STRN: variants seen among roughly 807,000 people sequenced by gnomAD.
STRN encodes the protein protein phosphatase 2 regulatory subunit B'''alpha.
STRN carries 53 observed loss-of-function variants against 96.3 expected under a neutral mutation model. That is an observed-to-expected ratio of 0.55 (90% CI 0.44 to 0.69). The LOEUF (loss-of-function observed/expected upper bound fraction) is 0.69. Ranked by LOEUF, STRN falls within the 30% of genes least tolerant of loss-of-function variation. STRN has a pLI of 0.00. For missense variants in STRN, 987 were observed against 963.9 expected (o/e 1.02, Z -0.32); for synonymous variants, 428 against 355.9 (o/e 1.20, Z -2.28).
At chr2:36,858,898 A>G (rs1668413076) in intron 13 of STRN, among the ~76,000 whole-genome samples, 3 of 152,340 alleles carry the variant, frequency 2.0e-5, no homozygotes, top group South Asian at 4.1e-4. Context: ...CAGTTAGCAG[A>G]GAGTAACTGG....
intron 9 of STRN, among the ~76,000 whole-genome samples, chr2:36,883,548 T>G (rs934743523): frequency 2.6e-5 from 4 of 152,234 alleles, no homozygotes; most frequent in African/African-American, 9.6e-5. Flanking sequence ...TTAGGTGACT[T>G]TATCCCCTTT....
At chr2:36,858,728 G>A (rs879308786) in intron 13 of STRN, among the ~76,000 whole-genome samples, 23 of 152,186 alleles carry the variant, frequency 1.5e-4, no homozygotes, top group Non-Finnish European at 1.0e-4. Flanking sequence ...TGTCAATGGT[G>A]TTATGTCTTA....
intron 5 of STRN, among the ~76,000 whole-genome samples, chr2:36,901,737 T>C (rs1257016304): frequency 6.6e-6 from 1 of 152,146 alleles, no homozygotes; most frequent in African/African-American, 2.4e-5. Context: ...GTTGGAAATG[T>C]ATTCTTAATT....
chr2:36,866,644 C>T (rs1195229362), intron 12 of STRN, among the ~76,000 whole-genome samples: 1 of 152,120 alleles, frequency 6.6e-6, no homozygotes, highest in East Asian at 1.9e-4. Context: ...AAGTCTCCCA[C>T]TATTATTGTA....
At chr2:36,893,759 G>T (rs1669464632) in intron 7 of STRN, 139 bp downstream of exon 7, 1 of 966,856 alleles carries the variant, frequency 1.0e-6, no homozygotes, top group Non-Finnish European at 1.5e-6. Flanking sequence ...CATTCACCCT[G>T]GATAAAGGGT....
chr2:36,890,284 T>C (rs1045585550), intron 7 of STRN, among the ~76,000 whole-genome samples: 8 of 152,266 alleles, frequency 5.3e-5, no homozygotes, highest in Non-Finnish European at 1.2e-4. Context: ...ACCCACTGTA[T>C]TCTTCAATGA....
intron 6 of STRN, among the ~76,000 whole-genome samples, chr2:36,898,335 T>G (rs1669596431): frequency 6.6e-6 from 1 of 152,220 alleles, no homozygotes; most frequent in Non-Finnish European, 1.5e-5. Context: ...TTTACTATGG[T>G]AAATTAAGAC....
At chr2:36,963,999 A>G (rs991022759) in intron 1 of STRN, among the ~76,000 whole-genome samples, 1 of 145,984 alleles carries the variant, frequency 6.9e-6, no homozygotes, top group Non-Finnish European at 1.5e-5. Context: ...CAATAAAAGG[A>G]AAAAAAAAAA....
At chr2:36,862,425 C>G (rs1163656628) in intron 12 of STRN, among the ~76,000 whole-genome samples, 3 of 152,122 alleles carry the variant, frequency 2.0e-5, no homozygotes, top group Non-Finnish European at 4.4e-5. Flanking sequence ...ATCTTTTGAC[C>G]TTTTAATAAC....
In STRN at chr2:36,867,867, TCAGAGA is replaced by T; in HGVS notation, c.1500-12_1500-7del. On this transcript the variant is annotated splice_region_variant and splice_polypyrimidine_tract_variant and intron_variant, in intron 11 of 17. Coordinates refer to ENST00000263918, the MANE Select transcript of STRN (RefSeq NM_003162.4). The stretch of plus-strand genomic sequence containing the variant: ...CTACATCAAGAGAAGTGCTCCTAAA[TCAGAGA>T]GAGATGACTTTACCATTCTAAGTGT... 1 of 1,587,796 alleles carries T rather than the reference TCAGAGA, an allele frequency of 6.3e-7. No homozygotes were observed. The highest frequency in any genetic ancestry group is 8.6e-7 in the Non-Finnish European group (1 of 1,169,188).
At chr2:36,963,263 C>T (rs1288096878) in intron 1 of STRN, among the ~76,000 whole-genome samples, 1 of 152,092 alleles carries the variant, frequency 6.6e-6, no homozygotes, top group Admixed American at 6.5e-5. Flanking sequence ...TCCCTGGCAA[C>T]CTGAAAGAGC....
At chr2:36,940,836 CAAAAAAAAAAAAA>C (rs56996485) in intron 1 of STRN, among the ~76,000 whole-genome samples, 3 of 46,556 alleles carry the variant, frequency 6.4e-5, no homozygotes, top group African/African-American at 1.2e-4. Context: ...GACTCTGTCT[CAAAAAAAAAAAAA>C]AAAAAAAAAA....
intron 1 of STRN, among the ~76,000 whole-genome samples, chr2:36,945,084 T>G (rs943955666): frequency 1.3e-5 from 2 of 152,082 alleles, no homozygotes; most frequent in African/African-American, 4.8e-5. Context: ...TTAAAAGTAA[T>G]GGATTTAATA....
intron 6 of STRN, among the ~76,000 whole-genome samples, chr2:36,897,984 C>G (rs544880216): frequency 6.6e-6 from 1 of 152,068 alleles, no homozygotes; most frequent in African/African-American, 2.4e-5. Flanking sequence ...AGCCACTGCA[C>G]GCAGCACAGA....
chr2:36,902,788 G>C (rs186027858), intron 4 of STRN, 37 bp from the exon 5 acceptor site: 15 of 1,499,140 alleles, frequency 1.0e-5, no homozygotes, highest in East Asian at 4.6e-5. Flanking sequence ...AGTCATACTG[G>C]AATCAGTATT....
intron 1 of STRN, among the ~76,000 whole-genome samples, chr2:36,937,964 T>C (rs377494404): frequency 2.0e-5 from 3 of 152,064 alleles, no homozygotes; most frequent in African/African-American, 7.2e-5. Context: ...ACTAAGTCAA[T>C]GAAAAGCAAA....
rs528994182 is a variant in STRN, at chr2:36,913,110, T to C, written c.412+2968A>G. Among the ~76,000 whole-genome samples the C allele has an allele frequency of 2.0e-5, 3 of 152,294 alleles. No homozygotes were observed. The South Asian group carries it at 6.2e-4, about 32-fold the overall frequency. On this transcript the variant is annotated intron_variant, in intron 3 of 17. Transcript: ENST00000263918. Reference sequence around the variant, plus strand: ...TTTGCCCAGGTTTCTGCAACAATCCTCTAACCAGTTGCCCCATCTCCAACG... The same window carrying C: ...TTTGCCCAGGTTTCTGCAACAATCCCCTAACCAGTTGCCCCATCTCCAACG...
chr2:36,950,921 CATTT>C (rs1664737925), intron 1 of STRN, among the ~76,000 whole-genome samples: 1 of 152,010 alleles, frequency 6.6e-6, no homozygotes, highest in Non-Finnish European at 1.5e-5. Context: ...ATAATTGAGG[CATTT>C]ATATTATTTA....
chr2:36,911,689 C>G (rs1319444928), intron 3 of STRN, among the ~76,000 whole-genome samples: 1 of 152,208 alleles, frequency 6.6e-6, no homozygotes, highest in Non-Finnish European at 1.5e-5. Flanking sequence ...TTCCTTCCCT[C>G]TGTAGTTTTA....
Sources: allele counts gnomAD v4.1 joint callset (sites outside exome capture counted in the v4.1 genomes callset), GRCh38; gene constraint gnomAD v4.1.1; transcripts MANE v1.5; gene names NCBI Gene and HGNC (gene_info 2026-07-23, HGNC 2026-07-21).